Variants in XIRP2 observed in about 807,000 individuals in gnomAD.
The protein encoded by XIRP2 is xin actin binding repeat containing 2, also known as xin actin-binding repeat-containing protein 2.
A neutral mutation model predicts 277.0 loss-of-function variants in XIRP2; 236 were observed. The ratio of observed to expected loss-of-function variants is 0.85; its 90% CI spans 0.77 to 0.95. The LOEUF is 0.95. Among genes scored for constraint, XIRP2 ranks in the 40% least tolerant of loss-of-function variants. The probability of loss-of-function intolerance (pLI) is 0.00; values close to 1 mark genes in which losing one functional copy is unlikely to be tolerated. For missense variants in XIRP2, 4,640 were observed against 4,157.5 expected (o/e 1.12, Z -3.19); for synonymous variants, 1,490 against 1,416.5 (o/e 1.05, Z -1.17).
At chr2:167,158,651 G>A (rs1348105521) in intron 3 of XIRP2, among the ~76,000 whole-genome samples, 1 of 152,094 alleles carries the variant, frequency 6.6e-6, no homozygotes. Context: ...TGAGATACAT[G>A]TTGTTATTCC....
chr2:167,122,330 T>C (rs542469806), intron 2 of XIRP2, among the ~76,000 whole-genome samples: 1 of 152,290 alleles, frequency 6.6e-6, no homozygotes, highest in South Asian at 2.1e-4. Context: ...TACTTCCAGC[T>C]GTAAAATGAG....
intron 2 of XIRP2, among the ~76,000 whole-genome samples, chr2:166,986,067 G>C (rs908278879): frequency 3.9e-5 from 6 of 152,192 alleles, no homozygotes; most frequent in African/African-American, 1.4e-4. Flanking sequence ...ACCGTGCTTT[G>C]CAAGACCGCC....
intron 1 of XIRP2, among the ~76,000 whole-genome samples, chr2:166,899,800 G>T (rs572034925): frequency 6.6e-6 from 1 of 152,148 alleles, no homozygotes; most frequent in South Asian, 2.1e-4. Flanking sequence ...GGAACTGAGA[G>T]GCAATAGATT....
chr2:167,103,688 T>C (rs1690544023), intron 2 of XIRP2, among the ~76,000 whole-genome samples: 1 of 152,174 alleles, frequency 6.6e-6, no homozygotes, highest in Non-Finnish European at 1.5e-5. Flanking sequence ...TTTCATAAAG[T>C]AGTTATACCT....
At chr2:166,960,128 C>A (rs1162777209) in intron 2 of XIRP2, among the ~76,000 whole-genome samples, 2 of 151,648 alleles carry the variant, frequency 1.3e-5, no homozygotes, top group Non-Finnish European at 2.9e-5. Context: ...AATATATATT[C>A]ATTGTGAACA....
At chr2:167,153,320 C>T (rs114475298) in intron 3 of XIRP2, among the ~76,000 whole-genome samples, 2,694 of 151,988 alleles carry the variant, frequency 0.018, 80 homozygotes, top group African/African-American at 0.062. Flanking sequence ...GAAAAAGTTA[C>T]TTAACCACTT....
In XIRP2 at chr2:167,060,994, A is replaced by G. The variant is rs541683362; in HGVS notation, c.409-74915A>G. Among the ~76,000 whole-genome samples the G allele has an allele frequency of 1.2e-4, 18 of 152,168 alleles. No individual in the cohort carries two copies. The East Asian group carries it at 3.5e-3, about 29-fold the overall frequency. ...TGAACTATGTTGAACCTTCCTATTT[A>G]TGCTTATATATCTCTCTCCATTTAT... On this transcript the variant is annotated intron_variant, in intron 2 of 10. Transcript: ENST00000409195.
chr2:167,235,908 C>G (rs1366457300), intron 5 of XIRP2, among the ~76,000 whole-genome samples: 1 of 151,828 alleles, frequency 6.6e-6, no homozygotes, highest in Non-Finnish European at 1.5e-5. Context: ...AATGGTCACC[C>G]ACAAATTGCT....
rs982067605 is a variant in XIRP2, at chr2:167,135,347, C to A, written c.409-562C>A. ...CTTTATATTTCCTTTCTTTGGGAAT[C>A]TTTTATCTCTTCACCTTTAAATTAC... On this transcript the variant is annotated intron_variant, in intron 2 of 10. Transcript: ENST00000409195. Among the ~76,000 whole-genome samples, 7 of 152,090 alleles carry A rather than the reference C, an allele frequency of 4.6e-5. No homozygotes were observed. In the East Asian group the frequency reaches 1.4e-3, roughly 29 times the overall value.
rs372466143 is a variant in XIRP2, at chr2:167,026,101, A to T, written c.409-109808A>T. On this transcript the variant is annotated intron_variant, in intron 2 of 10. Coordinates refer to ENST00000409195, the MANE Select transcript of XIRP2 (RefSeq NM_152381.6). ...TTGTGTGGGAGTCTAAGTCTCTTTG[A>T]AGGTCACTCAGGACTTGCTTTATGA... Among the ~76,000 whole-genome samples, 74 of 152,102 alleles carry T rather than the reference A, an allele frequency of 4.9e-4. 1 individual carries two copies. Among genetic ancestry groups the T allele is most frequent in the East Asian group, 1.9e-3 (10 of 5,154 alleles).
At chr2:167,046,449 A>T (rs1688789101) in intron 2 of XIRP2, among the ~76,000 whole-genome samples, 1 of 144,906 alleles carries the variant, frequency 6.9e-6, no homozygotes, top group African/African-American at 2.7e-5. Context: ...AATATACATT[A>T]TTCTACTACA....
At chr2:167,094,800 G>T (rs574967719) in intron 2 of XIRP2, among the ~76,000 whole-genome samples, 2 of 152,166 alleles carry the variant, frequency 1.3e-5, no homozygotes, top group Non-Finnish European at 2.9e-5. Flanking sequence ...GGCAATGCGG[G>T]CTCTTTTTTG....
intron 3 of XIRP2, chr2:167,140,870 T>C (rs1691698287): frequency 6.6e-6 from 1 of 152,200 alleles, no homozygotes; most frequent in Non-Finnish European, 1.5e-5. Flanking sequence ...CACATGTTCC[T>C]TTTAGTCACT....
intron 4 of XIRP2, among the ~76,000 whole-genome samples, chr2:167,217,132 G>T (rs569845321): frequency 8.7e-4 from 113 of 129,864 alleles, no homozygotes; most frequent in African/African-American, 3.1e-3. Flanking sequence ...GGGGACTGTG[G>T]TGGGGTGGGG....
intron 2 of XIRP2, among the ~76,000 whole-genome samples, chr2:166,957,658 A>G (rs1183069790): frequency 1.1e-4 from 17 of 151,810 alleles, no homozygotes; most frequent in Admixed American, 1.1e-3. Flanking sequence ...GTTGCATCCT[A>G]TGCTCAGCAG....
At chr2:167,071,565 G>T (rs1260194091) in intron 2 of XIRP2, among the ~76,000 whole-genome samples, 1 of 152,074 alleles carries the variant, frequency 6.6e-6, no homozygotes, top group African/African-American at 2.4e-5. Context: ...TTTATTTTCT[G>T]AACGTAAAGG....
chr2:167,096,085 C>G (rs959521406), intron 2 of XIRP2, among the ~76,000 whole-genome samples: 4 of 149,348 alleles, frequency 2.7e-5, no homozygotes, highest in African/African-American at 9.8e-5. Context: ...GGAAGTCCCT[C>G]TTTTTTTTTA....
At chr2:167,065,117 C>T (rs1463482681) in intron 2 of XIRP2, among the ~76,000 whole-genome samples, 1 of 151,872 alleles carries the variant, frequency 6.6e-6, no homozygotes, top group Non-Finnish European at 1.5e-5. Flanking sequence ...ACACTTCTAC[C>T]AACACTGCAC....
At chr2:166,951,081 G>A (rs572236826) in intron 2 of XIRP2, among the ~76,000 whole-genome samples, 14 of 152,092 alleles carry the variant, frequency 9.2e-5, no homozygotes, top group African/African-American at 2.2e-4. Context: ...TAAAAACGAC[G>A]GAGTGGAGAA....
Sources: allele counts gnomAD v4.1 joint callset (sites outside exome capture counted in the v4.1 genomes callset), GRCh38; gene constraint gnomAD v4.1.1; transcripts MANE v1.5; gene names NCBI Gene and HGNC (gene_info 2026-07-23, HGNC 2026-07-21).